CDK15: variants seen among roughly 807,000 people sequenced by gnomAD.
CDK15 encodes the protein cyclin-dependent kinase 15.
CDK15 carries 62 observed loss-of-function variants against 60.3 expected under a neutral mutation model. The ratio of observed to expected loss-of-function variants is 1.03; its 90% CI spans 0.84 to 1.27. The LOEUF (loss-of-function observed/expected upper bound fraction) is 1.27. Among genes scored for constraint, CDK15 ranks in the 50% most tolerant of loss-of-function variants. The pLI, the probability that CDK15 is intolerant of heterozygous loss-of-function variation, is 0.00. For synonymous variants in CDK15, 194 were observed against 195.7 expected (o/e 0.99, Z 0.07); for missense variants, 541 against 527.8 (o/e 1.03, Z -0.25).
rs769401397 is a variant in CDK15 at position 201,806,733 on chromosome 2, C to A, written c.69C>A (p.Gly23=). The A allele has an allele frequency of 6.9e-6, 11 of 1,598,168 alleles. No individual in the cohort carries two copies. Among genetic ancestry groups the A allele is most frequent in the Non-Finnish European group, 8.5e-6 (10 of 1,179,698 alleles). ...GCSCYHCSEG[G]EAHSCRRSQP... is the part of the protein sequence containing the mutation. ...GCTGCTACCATTGTTCAGAGGGAGG[C>A]GAGGCACACAGCTGTCGGAGGAGTC... The change falls in exon 1 of 14, where the codon GGC becomes GGA. Residue 23 remains glycine, a synonymous_variant. Coordinates refer to ENST00000652192, the MANE Select transcript of CDK15 (RefSeq NM_001366386.2).
intron 4 of CDK15, among the ~76,000 whole-genome samples, chr2:201,813,029 G>C (rs1485099228): frequency 6.6e-6 from 1 of 152,182 alleles, no homozygotes; most frequent in Non-Finnish European, 1.5e-5. Flanking sequence ...ACAGCAAATG[G>C]GTGAGGAACC....
intron 10 of CDK15, among the ~76,000 whole-genome samples, chr2:201,858,727 G>A (rs184330884): frequency 6.6e-6 from 1 of 152,032 alleles, no homozygotes; most frequent in African/African-American, 2.4e-5. Context: ...ACCCTGGAAC[G>A]TGAACTCCAT....
At chr2:201,863,432 A>G (rs928460695) in intron 10 of CDK15, among the ~76,000 whole-genome samples, 6 of 152,194 alleles carry the variant, frequency 3.9e-5, no homozygotes, top group African/African-American at 1.4e-4. Context: ...AAGAAATAAA[A>G]GTTCCTTCCA....
At position 201,872,297 on chromosome 2, in the gene CDK15, G is replaced by A. The variant is rs368174315; in HGVS notation, c.1029G>A (p.Thr343=). 1.1e-5 allele frequency: 17 copies of A among 1,613,838 alleles called. No homozygotes were observed. In the African/African-American group the frequency reaches 1.1e-4, roughly 10 times the overall value. ...TCCCAGAATGGTTCCCACTGCCTACGCCTCGAAGCCTTCATGTTGTCTGGA... is the reference window on the plus strand; with the variant it reads ...TCCCAGAATGGTTCCCACTGCCTACACCTCGAAGCCTTCATGTTGTCTGGA... The part of the protein sequence containing the change: ...NYNPEWFPLP[T]PRSLHVVWNR... The change falls in exon 11 of 14, where the codon ACG becomes ACA. Residue 343 remains threonine, a synonymous_variant. Coordinates refer to ENST00000652192, the MANE Select transcript of CDK15 (RefSeq NM_001366386.2).
chr2:201,838,127 A>G (rs539087678), intron 8 of CDK15, among the ~76,000 whole-genome samples: 2 of 152,288 alleles, frequency 1.3e-5, no homozygotes, highest in Non-Finnish European at 2.9e-5. Context: ...TTATTATGGA[A>G]TAGTTAAAAC....
At position 201,807,633 on chromosome 2, in the gene CDK15, G is replaced by T. The variant is rs1574839147; in HGVS notation, c.263G>T (p.Gly88Val). ...TTTCAGGAAGAGGATCTGAGGCAGG[G>T]TTTTCAGTGGGTGAGTGAGCAGCTG... is the stretch of plus-strand genomic sequence containing the variant. ...DCFQEEDLRQGFQWRKSLPFG... is the reference protein window; with the variant it reads ...DCFQEEDLRQVFQWRKSLPFG... The change falls in exon 2 of 14, where the codon GGT (glycine) becomes GTT (valine). Residue 88 changes from glycine to valine, a missense_variant. By Grantham distance (109) the Gly-to-Val change is moderately radical. Transcript: ENST00000652192. 6.2e-7 allele frequency: 1 copy of T among 1,614,122 alleles called. No homozygotes were observed. Among genetic ancestry groups the T allele is most frequent in the East Asian group, 2.2e-5 (1 of 44,864 alleles).
intron 10 of CDK15, among the ~76,000 whole-genome samples, chr2:201,871,169 TA>T (rs1357437593): frequency 1.3e-5 from 2 of 152,164 alleles, no homozygotes; most frequent in Admixed American, 6.5e-5. Flanking sequence ...TTTATTTATT[TA>T]TTTTTTTGAG....
At chr2:201,858,436 C>G (rs1221708931) in intron 10 of CDK15, among the ~76,000 whole-genome samples, 1 of 144,822 alleles carries the variant, frequency 6.9e-6, no homozygotes, top group African/African-American at 2.5e-5. Context: ...CTCTTTCACT[C>G]CCTCCCTCCC....
chr2:201,808,745 C>G (rs756938548), intron 3 of CDK15: 4 of 152,236 alleles, frequency 2.6e-5, no homozygotes, highest in Non-Finnish European at 5.9e-5. Context: ...TTTCTTTGTT[C>G]CTTCTCCACT....
intron 3 of CDK15, among the ~76,000 whole-genome samples, chr2:201,809,903 G>A (rs1459887992): frequency 6.6e-6 from 1 of 151,938 alleles, no homozygotes; most frequent in African/African-American, 2.4e-5. Flanking sequence ...TCAGATTCCT[G>A]GTTCAAGTGT....
intron 10 of CDK15, among the ~76,000 whole-genome samples, chr2:201,858,845 G>T (rs1324171627): frequency 2.0e-5 from 3 of 152,168 alleles, no homozygotes. Context: ...TACAGGTTTA[G>T]TAGAGCATAG....
chr2:201,879,014 C>T (rs1034391565), intron 11 of CDK15, among the ~76,000 whole-genome samples: 2 of 152,206 alleles, frequency 1.3e-5, no homozygotes, highest in African/African-American at 2.4e-5. Context: ...ACATCTGACT[C>T]CTCTACCTGA....
chr2:201,818,564 A>T (rs535449966), intron 4 of CDK15, among the ~76,000 whole-genome samples: 2 of 152,344 alleles, frequency 1.3e-5, no homozygotes, highest in Admixed American at 6.5e-5. Context: ...TTTAAGACCC[A>T]CACATCTGAG....
At chr2:201,872,728 G>A (rs1698903375) in intron 11 of CDK15, among the ~76,000 whole-genome samples, 1 of 151,994 alleles carries the variant, frequency 6.6e-6, no homozygotes, top group African/African-American at 2.4e-5. Flanking sequence ...ACGCAGTCTC[G>A]GCTCAGACCA....
intron 10 of CDK15, among the ~76,000 whole-genome samples, chr2:201,857,875 A>C (rs986185085): frequency 1.3e-5 from 2 of 152,122 alleles, no homozygotes; most frequent in African/African-American, 4.8e-5. Context: ...GTGGCTTCTA[A>C]ACACTTGAAT....
chr2:201,847,546 A>G, intron 9 of CDK15, 72 bp downstream of exon 9: 4 of 1,295,054 alleles, frequency 3.1e-6, no homozygotes, highest in Non-Finnish European at 2.2e-6. Flanking sequence ...TGCCTTACAG[A>G]CAAATGAAGC....
intron 10 of CDK15, among the ~76,000 whole-genome samples, chr2:201,856,915 G>T (rs2105791237): frequency 6.6e-6 from 1 of 152,196 alleles, no homozygotes; most frequent in South Asian, 2.1e-4. Flanking sequence ...CTGCCAGATT[G>T]TGTGCTTAAT....
intron 12 of CDK15, among the ~76,000 whole-genome samples, chr2:201,880,550 G>A (rs373981689): frequency 3.9e-5 from 6 of 152,212 alleles, no homozygotes; most frequent in Admixed American, 1.3e-4. Flanking sequence ...CCCTTTCTGC[G>A]GAGAGTAAGA....
At chr2:201,873,200 A>G (rs1292551310) in intron 11 of CDK15, among the ~76,000 whole-genome samples, 1 of 152,236 alleles carries the variant, frequency 6.6e-6, no homozygotes, top group Non-Finnish European at 1.5e-5. Flanking sequence ...AGAATAAAAT[A>G]TCAGGGTACA....
Sources: allele counts gnomAD v4.1 joint callset (sites outside exome capture counted in the v4.1 genomes callset), GRCh38; gene constraint gnomAD v4.1.1; transcripts MANE v1.5; gene names NCBI Gene and HGNC (gene_info 2026-07-23, HGNC 2026-07-21).